PDLIM3: variants seen among roughly 807,000 people sequenced by gnomAD.
PDLIM3 encodes PDZ and LIM domain protein 3.
Under a neutral mutation model 37.3 loss-of-function variants are expected in PDLIM3, and 36 were observed. The ratio of observed to expected loss-of-function variants is 0.97; its 90% CI spans 0.74 to 1.28. PDLIM3 has a LOEUF of 1.28. PDLIM3 is among the 50% of genes most tolerant of loss of function. The probability of loss-of-function intolerance (pLI) is 0.00; values close to 1 mark genes in which losing one functional copy is unlikely to be tolerated. For missense variants in PDLIM3, 454 were observed against 485.0 expected (o/e 0.94, Z 0.60); for synonymous variants, 174 against 182.4 (o/e 0.95, Z 0.37).
rs36033067 is a variant in PDLIM3 at position 185,513,077 on chromosome 4, G to A, written c.398+1193C>T. 2.1e-3 allele frequency: 2,037 copies of A among 984,914 alleles called. 1 individual carries two copies. The highest frequency in any genetic ancestry group is 9.9e-3 in the Middle Eastern group (19 of 1,914). 61.0% of individuals were successfully genotyped at this position (984,914 alleles called of 1,614,324 possible). A position where few individuals can be genotyped will look rare whatever the true frequency, so the allele number is the denominator to read the frequency against. ...TTATTTTGTCTGTTTGTAGATGGTC[G>A]CTTATTGAGCATTTATTCTGTCTCA... On this transcript the variant is annotated intron_variant, in intron 4 of 7. Coordinates refer to ENST00000284767, the MANE Select transcript of PDLIM3 (RefSeq NM_014476.6).
At position 185,504,990 on chromosome 4, in the gene PDLIM3, TACCCATGAAACAGTAACTCCCC is replaced by T. The variant is rs565124765; in HGVS notation, c.794-426_794-405del. 0.021 allele frequency among the ~76,000 whole-genome samples: 3,121 copies of T among 152,202 alleles called. 89 individuals are homozygous for T. Among genetic ancestry groups the T allele is most frequent in the African/African-American group, 0.066 (2,722 of 41,492 alleles). Reference sequence around the variant, plus strand: ...ATTTCTTCACCTCACAGAACCTCTGTACCCATGAAACAGTAACTCCCCACCCATGAAACAGTAACTCCCCGTG... The same window carrying T: ...ATTTCTTCACCTCACAGAACCTCTGTACCCATGAAACAGTAACTCCCCGTG... On this transcript the variant is annotated intron_variant, in intron 6 of 7. Coordinates refer to ENST00000284767, the MANE Select transcript of PDLIM3 (RefSeq NM_014476.6). The surrounding 1 kb of genome is among the most constrained non-coding windows in gnomAD (Gnocchi z 4.7).
chr4:185,522,668 C>T lies in PDLIM3; in HGVS notation c.330+694G>A, dbSNP rs1391369787. Among the ~76,000 whole-genome samples the T allele has an allele frequency of 2.7e-4, 18 of 66,492 alleles. 8 individuals are homozygous for T. Among genetic ancestry groups the T allele is most frequent in the Non-Finnish European group, 1.2e-4 (2 of 16,074 alleles). The allele number at this position is 66,492 out of a possible 152,430, so 43.6% of individuals were successfully genotyped here. A position where few individuals can be genotyped will look rare whatever the true frequency, so the allele number is the denominator to read the frequency against. ...GCTTCTATGTAGAGGTCATAAAATG[C>T]TTTTCTTAATTAGATTTATGAGTAC... On this transcript the variant is annotated intron_variant, in intron 3 of 7. Transcript: ENST00000284767.
chr4:185,535,181 C>T (rs1020749261), intron 1 of PDLIM3, among the ~76,000 whole-genome samples, 161 bp downstream of exon 1: 1 of 152,168 alleles, frequency 6.6e-6, no homozygotes, highest in Admixed American at 6.5e-5. Flanking sequence ...GAGTTGCCGC[C>T]GCCCCCGGAG....
intron 3 of PDLIM3, among the ~76,000 whole-genome samples, chr4:185,519,141 G>T (rs1162931426): frequency 1.3e-5 from 2 of 152,198 alleles, no homozygotes; most frequent in Non-Finnish European, 2.9e-5. Context: ...GAGAAAAATA[G>T]ATTGTGTTCA....
intron 4 of PDLIM3, chr4:185,513,084 G>A (rs913684134): frequency 1.0e-6 from 1 of 984,668 alleles, no homozygotes; most frequent in African/African-American, 1.8e-5. Flanking sequence ...GTCGCTTATT[G>A]AGCATTTATT....
At chr4:185,524,396 A>C (rs184789929) in intron 2 of PDLIM3, among the ~76,000 whole-genome samples, 1 of 152,260 alleles carries the variant, frequency 6.6e-6, no homozygotes, top group East Asian at 1.9e-4. Context: ...CACTATAACA[A>C]ATTATTATTA....
chr4:185,523,807 C>T lies in PDLIM3; in HGVS notation c.246-361G>A, dbSNP rs1375473750. Among the ~76,000 whole-genome samples the T allele has an allele frequency of 5.9e-5, 9 of 151,676 alleles. No individual in the cohort carries two copies. In the South Asian group the frequency reaches 8.3e-4, roughly 14 times the overall value. On this transcript the variant is annotated intron_variant, in intron 2 of 7. Transcript: ENST00000284767. ...CTAATTTTTGTATTTTTAGTAGAGA[C>T]GGGGTTTCACCAGTTGGCCAGGCTG...
At position 185,502,074 on chromosome 4, in the gene PDLIM3, A is replaced by C. The variant is rs1191561154; in HGVS notation, c.*220T>G. 12 of 590,146 alleles carry C rather than the reference A, an allele frequency of 2.0e-5. No homozygotes were observed. The highest frequency in any genetic ancestry group is 3.3e-5 in the Non-Finnish European group (11 of 330,424). The allele number at this position is 590,146 out of a possible 1,614,324, so 36.6% of individuals were successfully genotyped here. A position where few individuals can be genotyped will look rare whatever the true frequency, so the allele number is the denominator to read the frequency against. The stretch of plus-strand genomic sequence containing the variant: ...TTTAAATATCATTATTGCTAGCCCC[A>C]AAAAGAGTTGCAAAACATAGCTAAG... On this transcript the variant is annotated 3_prime_UTR_variant, in exon 8 of 8. Transcript: ENST00000284767.
chr4:185,507,846 A>G (rs1339046729), intron 5 of PDLIM3, among the ~76,000 whole-genome samples: 3 of 152,156 alleles, frequency 2.0e-5, no homozygotes, highest in African/African-American at 7.2e-5. Context: ...AGAAGAGAGA[A>G]GAATCATCTC....
chr4:185,517,887 G>T (rs1209060841), intron 3 of PDLIM3, among the ~76,000 whole-genome samples: 1 of 152,096 alleles, frequency 6.6e-6, no homozygotes. Flanking sequence ...TCTATCCAAG[G>T]CTTACATCAT....
chr4:185,526,649 T>C (rs963432383), intron 1 of PDLIM3, among the ~76,000 whole-genome samples: 1 of 152,220 alleles, frequency 6.6e-6, no homozygotes, highest in African/African-American at 2.4e-5. Context: ...TGTCTAGACC[T>C]CACATGGGTC....
At chr4:185,525,247 C>T (rs1580261967) in intron 1 of PDLIM3, 76 bp from the exon 2 acceptor site, 1 of 1,406,816 alleles carries the variant, frequency 7.1e-7, no homozygotes, top group Non-Finnish European at 1.0e-6. Flanking sequence ...ATTTGTGTTT[C>T]AGCCTGGTAA....
At chr4:185,532,272 T>C (rs768281451) in intron 1 of PDLIM3, among the ~76,000 whole-genome samples, 1 of 152,248 alleles carries the variant, frequency 6.6e-6, no homozygotes, top group African/African-American at 2.4e-5. Context: ...ACAACACATA[T>C]GCTCTACTAG....
chr4:185,521,399 C>CTTTTTT (rs528835696), intron 3 of PDLIM3, among the ~76,000 whole-genome samples: 2 of 44,996 alleles, frequency 4.4e-5, no homozygotes, highest in Non-Finnish European at 9.3e-5. Flanking sequence ...CTTTTCTTTT[C>CTTTTTT]TTTTTTTTTT....
intron 4 of PDLIM3, chr4:185,513,991 T>G: frequency 1.7e-5 from 22 of 1,300,462 alleles, no homozygotes; most frequent in Non-Finnish European, 2.2e-5. Flanking sequence ...CACAGTGTTC[T>G]GGATGGGATC....
chr4:185,525,739 G>C (rs1331508598), intron 1 of PDLIM3, among the ~76,000 whole-genome samples: 2 of 152,120 alleles, frequency 1.3e-5, no homozygotes, highest in African/African-American at 4.8e-5. Flanking sequence ...TCATGAATGG[G>C]ATTAGTGCCC....
At chr4:185,512,758 C>A in intron 4 of PDLIM3, 6 of 982,894 alleles carry the variant, frequency 6.1e-6, no homozygotes, top group Non-Finnish European at 7.2e-6. Context: ...TACTATGCTT[C>A]TTTGGGAAGT....
At chr4:185,517,290 CTCAGGCTAATTAAAGAA>C (rs1455303585) in intron 3 of PDLIM3, 2 of 144,330 alleles carry the variant, frequency 1.4e-5, no homozygotes, top group East Asian at 4.1e-4. Context: ...TTACAAGTCT[CTCAGGCTAATTAAAGAA>C]TCAGGCAGTA....
rs1335948607 is a variant in PDLIM3 at position 185,504,632 on chromosome 4, G to A, written c.794-46C>T. On this transcript the variant is annotated intron_variant, in intron 6 of 7. Coordinates refer to ENST00000284767, the MANE Select transcript of PDLIM3 (RefSeq NM_014476.6). The surrounding 1 kb of genome is among the most constrained non-coding windows in gnomAD (Gnocchi z 4.7). The stretch of plus-strand genomic sequence containing the variant: ...ATTTATGGCTAGGGAACAGCTGGCC[G>A]CAGCCTGTGCTTGGCTTCTATTTTA... The A allele has an allele frequency of 3.5e-6, 5 of 1,443,010 alleles. No homozygotes were observed. Among genetic ancestry groups the A allele is most frequent in the Middle Eastern group, 1.8e-4 (1 of 5,698 alleles). 89.4% of individuals were successfully genotyped at this position (1,443,010 alleles called of 1,614,324 possible). A position where few individuals can be genotyped will look rare whatever the true frequency, so the allele number is the denominator to read the frequency against.
Sources: allele counts gnomAD v4.1 joint callset (sites outside exome capture counted in the v4.1 genomes callset), GRCh38; gene constraint gnomAD v4.1.1; non-coding constraint Gnocchi (gnomAD v3.1); transcripts MANE v1.5; gene names NCBI Gene and HGNC (gene_info 2026-07-23, HGNC 2026-07-21).